RETREG1: variants seen among roughly 807,000 people sequenced by gnomAD.
RETREG1 encodes the protein family with sequence similarity 134 member B.
Under a neutral mutation model 54.8 loss-of-function variants are expected in RETREG1, and 44 were observed. The observed-to-expected ratio is 0.80, with a 90% CI of 0.63 to 1.03. The LOEUF (loss-of-function observed/expected upper bound fraction) is 1.03, where lower values mean the gene tolerates loss of function less well. Ranked by LOEUF, RETREG1 falls within the 50% of genes least tolerant of loss-of-function variation. RETREG1 has a pLI of 0.00. For synonymous variants in RETREG1, 217 were observed against 238.5 expected, an observed-to-expected ratio of 0.91 and a Z score of 0.83; for missense variants, 554 against 605.1, an observed-to-expected ratio of 0.92 and a Z score of 0.89.
intron 3 of RETREG1, among the ~76,000 whole-genome samples, chr5:16,492,253 C>CA (rs201203055): frequency 0.21 from 28,726 of 138,538 alleles, 3,438 homozygotes; most frequent in Admixed American, 0.4. Context: ...ACACACACAC[C>CA]ATTCTTGTTA....
chr5:16,530,038 C>T (rs556462784), intron 3 of RETREG1, among the ~76,000 whole-genome samples: 15 of 152,318 alleles, frequency 9.8e-5, no homozygotes, highest in East Asian at 3.9e-4. Context: ...TCCATTTCCC[C>T]GCTCTTCACT....
chr5:16,476,841 C>T (rs1738558046), intron 8 of RETREG1, among the ~76,000 whole-genome samples: 4 of 152,088 alleles, frequency 2.6e-5, no homozygotes, highest in South Asian at 2.1e-4. Flanking sequence ...ATGCAAACCA[C>T]CATGGCACAT....
intron 1 of RETREG1, among the ~76,000 whole-genome samples, chr5:16,601,372 A>C (rs949821865): frequency 7.2e-6 from 1 of 139,496 alleles, no homozygotes; most frequent in African/African-American, 2.5e-5. Flanking sequence ...GAGGAAAAAA[A>C]ACAAAGAGGA....
At chr5:16,587,010 G>A (rs371906369) in intron 1 of RETREG1, among the ~76,000 whole-genome samples, 37 of 152,270 alleles carry the variant, frequency 2.4e-4, no homozygotes, top group East Asian at 2.3e-3. Flanking sequence ...TCCATCCTCC[G>A]GACCTAATCA....
At chr5:16,528,452 G>A (rs530905820) in intron 3 of RETREG1, among the ~76,000 whole-genome samples, 12 of 152,242 alleles carry the variant, frequency 7.9e-5, no homozygotes, top group Admixed American at 6.5e-4. Context: ...AGGTCACCTT[G>A]TGATGGATAT....
intron 3 of RETREG1, among the ~76,000 whole-genome samples, chr5:16,529,906 G>T (rs1362315686): frequency 6.6e-6 from 1 of 152,130 alleles, no homozygotes; most frequent in African/African-American, 2.4e-5. Flanking sequence ...TCAATGAGCA[G>T]CAATTCAAGT....
At chr5:16,531,713 A>G (rs560371888) in intron 3 of RETREG1, among the ~76,000 whole-genome samples, 21 of 152,294 alleles carry the variant, frequency 1.4e-4, no homozygotes, top group African/African-American at 5.1e-4. Context: ...CGCGTGGCAC[A>G]TCTGAGGACC....
chr5:16,528,663 T>C (rs1376823218), intron 3 of RETREG1, among the ~76,000 whole-genome samples: 1 of 152,216 alleles, frequency 6.6e-6, no homozygotes, highest in Admixed American at 6.5e-5. Context: ...AAGGTAAAGT[T>C]ATATGTAACT....
chr5:16,588,244 T>C (rs1742670606), intron 1 of RETREG1, among the ~76,000 whole-genome samples: 1 of 152,232 alleles, frequency 6.6e-6, no homozygotes, highest in Admixed American at 6.5e-5. Context: ...TCCTGAGGCC[T>C]CTCTTCTTGG....
intron 5 of RETREG1, 34 bp from the exon 6 acceptor site, chr5:16,479,021 T>C (rs1738656614): frequency 6.2e-7 from 1 of 1,606,222 alleles, no homozygotes; most frequent in Non-Finnish European, 8.5e-7. Context: ...GTAAAATGCC[T>C]TTCCTTTCAA....
intron 1 of RETREG1, among the ~76,000 whole-genome samples, chr5:16,600,171 T>G (rs529047787): frequency 7.2e-5 from 11 of 152,320 alleles, no homozygotes; most frequent in Admixed American, 6.5e-4. Context: ...CGGCTAATTT[T>G]TGTGTTTTTA....
chr5:16,501,239 T>G (rs968743142), intron 3 of RETREG1, among the ~76,000 whole-genome samples: 4 of 152,198 alleles, frequency 2.6e-5, no homozygotes, highest in Non-Finnish European at 5.9e-5. Context: ...ATTTTGCTGA[T>G]GACAAAATGA....
chr5:16,595,163 C>T (rs1742863978), intron 1 of RETREG1, among the ~76,000 whole-genome samples: 1 of 152,170 alleles, frequency 6.6e-6, no homozygotes, highest in African/African-American at 2.4e-5. Flanking sequence ...GTCAGGATGG[C>T]GGTCATGCGC....
At chr5:16,576,113 G>A (rs551709090) in intron 1 of RETREG1, among the ~76,000 whole-genome samples, 59 of 152,188 alleles carry the variant, frequency 3.9e-4, no homozygotes, top group African/African-American at 1.4e-3. Flanking sequence ...CAAAAAGAGA[G>A]GCCAGAGTGT....
At chr5:16,508,685 A>G (rs1399902438) in intron 3 of RETREG1, 1 of 1,609,820 alleles carries the variant, frequency 6.2e-7, no homozygotes, top group Non-Finnish European at 8.5e-7. Flanking sequence ...TGGCCAAACA[A>G]TAGTTTCTTT....
At chr5:16,566,960 G>C (rs1742029173) in intron 2 of RETREG1, among the ~76,000 whole-genome samples, 1 of 152,222 alleles carries the variant, frequency 6.6e-6, no homozygotes, top group South Asian at 2.1e-4. Flanking sequence ...CTTGTCATTT[G>C]ACAATTCTCT....
At chr5:16,595,535 G>T (rs1328438042) in intron 1 of RETREG1, among the ~76,000 whole-genome samples, 2 of 152,118 alleles carry the variant, frequency 1.3e-5, no homozygotes, top group African/African-American at 4.8e-5. Flanking sequence ...TGTTTCCTTG[G>T]AATAGTAAAT....
intron 3 of RETREG1, among the ~76,000 whole-genome samples, chr5:16,508,253 T>C (rs1385829868): frequency 1.3e-5 from 2 of 152,228 alleles, no homozygotes; most frequent in Non-Finnish European, 2.9e-5. Context: ...ACAACTATCA[T>C]CTAATGTTAA....
At chr5:16,569,480 G>C (rs889123008) in intron 2 of RETREG1, among the ~76,000 whole-genome samples, 2 of 151,982 alleles carry the variant, frequency 1.3e-5, no homozygotes, top group Non-Finnish European at 2.9e-5. Flanking sequence ...GCACAGAAAG[G>C]GGCTCAACAC....
Sources: gnomAD v4.1 joint callset for allele counts (sites outside exome capture counted in the v4.1 genomes callset) on GRCh38, gnomAD v4.1.1 for gene constraint, MANE v1.5 for transcripts, NCBI Gene and HGNC (gene_info 2026-07-23, HGNC 2026-07-21) for gene names.